The following STK32C variants were observed in gnomAD, a reference collection of about 807,000 sequenced individuals.
STK32C encodes serine/threonine kinase 32C.
In STK32C, 31 loss-of-function variants were observed where a neutral mutation model predicts 56.5. That is an observed-to-expected ratio of 0.55 (90% confidence interval 0.41 to 0.74). The LOEUF is 0.74. Among genes scored for constraint, STK32C ranks in the 30% least tolerant of loss-of-function variants. The probability of loss-of-function intolerance (pLI) is 0.00; values close to 1 mark genes in which losing one functional copy is unlikely to be tolerated. For missense variants in STK32C, 544 were observed against 676.9 expected, an observed-to-expected ratio of 0.80 and a Z score of 2.18; for synonymous variants, 309 against 289.4, an observed-to-expected ratio of 1.07 and a Z score of -0.69.
In STK32C at chr10:132,307,661, A is replaced by G. The variant is rs1180370208; in HGVS notation, c.173T>C (p.Leu58Pro). Reference protein sequence around the residue: ...SGDVRSQPRPLFQWSKWKKRM... With the variant: ...SGDVRSQPRPPFQWSKWKKRM... The stretch of plus-strand genomic sequence containing the variant: ...CTTCTTCCACTTGCTCCACTGAAAC[A>G]GGGGGCGCGGCTGCGAGCGGACATC... Residue 58 changes from leucine (L) to proline (P), a missense_variant, in exon 1 of 12, where the codon CTG (leucine) becomes CCG (proline). By Grantham distance (98) the Leu-to-Pro change is moderately conservative. Transcript: ENST00000298630. This position sits in a 1 kb window ranked among gnomAD's most constrained non-coding sequence, Gnocchi z 4.4. 1.3e-6 allele frequency: 2 copies of G among 1,529,882 alleles called. No homozygotes were observed. The highest frequency in any genetic ancestry group is 2.0e-5 in the Admixed American group (1 of 50,222). The allele number at this position is 1,529,882 out of a possible 1,614,324, so 94.8% of individuals were successfully genotyped here. A position where few individuals can be genotyped will look rare whatever the true frequency, so the allele number is the denominator to read the frequency against.
At chr10:132,332,086 C>T (rs954470791), upstream of STK32C, 113 of 257,848 alleles carry the variant, frequency 4.4e-4, no homozygotes, top group African/African-American at 2.5e-3. Flanking sequence ...CGCAGGCGCA[C>T]CACACCCCTC....
At chr10:132,264,729 C>T (rs926468486) in intron 1 of STK32C, among the ~76,000 whole-genome samples, 2 of 152,164 alleles carry the variant, frequency 1.3e-5, no homozygotes, top group African/African-American at 4.8e-5. Context: ...GGGCCTGTCA[C>T]CCCAAAGCCA....
chr10:132,246,531 T>G (rs973522407), intron 1 of STK32C, among the ~76,000 whole-genome samples: 1 of 152,172 alleles, frequency 6.6e-6, no homozygotes, highest in Non-Finnish European at 1.5e-5. Flanking sequence ...CACCATGACC[T>G]GTGTAGCCTG....
chr10:132,293,057 C>T (rs1272437501), intron 1 of STK32C, among the ~76,000 whole-genome samples: 6 of 152,238 alleles, frequency 3.9e-5, no homozygotes, highest in Non-Finnish European at 1.5e-5. Flanking sequence ...AGGTGAGCAG[C>T]GAACGGCAAA....
At position 132,331,642 on chromosome 10, in the gene STK32C, A is replaced by C. The variant is rs539749706; in HGVS notation, c.95T>G (p.Leu32Arg). 1.8e-5 allele frequency: 29 copies of C among 1,612,766 alleles called. No homozygotes were observed. The African/African-American group carries it at 2.0e-4, about 11-fold the overall frequency. The change falls in exon 1 of 2, where the codon CTT becomes CGT. Residue 32 changes from leucine (L) to arginine (R), a missense_variant. Transcript: ENST00000368619. ...GGACAGGCAGCGAGGACCGCTCCAA[A>C]GGTGGTGCCTCAGCAGCAATTCTTT...
chr10:132,306,266 G>A lies in STK32C; in HGVS notation c.262+1306C>T, dbSNP rs78907729. Among the ~76,000 whole-genome samples, 12 of 152,358 alleles carry A rather than the reference G, an allele frequency of 7.9e-5. No homozygotes were observed. The East Asian group carries it at 1.2e-3, about 15-fold the overall frequency. ...CGTTTCTCAGACGTTCTCTCAACCC[G>A]CAGCCAGAAACGAGAGGCAAATCTG... On this transcript the variant is annotated intron_variant, in intron 1 of 11. Transcript: ENST00000298630.
At chr10:132,320,518 G>A (rs1192760107), downstream of STK32C, among the ~76,000 whole-genome samples, 1 of 152,086 alleles carries the variant, frequency 6.6e-6, no homozygotes, top group African/African-American at 2.4e-5. Flanking sequence ...TTATGGAAGT[G>A]AGGTCCCACC....
At chr10:132,300,278 C>T (rs764038559) in intron 1 of STK32C, among the ~76,000 whole-genome samples, 8 of 152,238 alleles carry the variant, frequency 5.3e-5, no homozygotes, top group Admixed American at 1.3e-4. Context: ...CTCCCACCTA[C>T]ACCATCTCCT....
chr10:132,223,116 G>A, intron 8 of STK32C, 130 bp from the exon 9 acceptor site: 1 of 1,263,936 alleles, frequency 7.9e-7, no homozygotes, highest in Non-Finnish European at 1.1e-6. Context: ...AGGAACCTCA[G>A]GGCCACGCGA....
chr10:132,240,672 T>C (rs7901138), intron 2 of STK32C, among the ~76,000 whole-genome samples: 122,712 of 152,000 alleles, frequency 0.81, 49,803 homozygotes, highest in African/African-American at 0.88. Context: ...GCCTGGGAAA[T>C]GCGGACGCCG....
intron 1 of STK32C, among the ~76,000 whole-genome samples, chr10:132,265,750 AATG>A (rs2064498893): frequency 6.6e-6 from 1 of 152,198 alleles, no homozygotes; most frequent in Admixed American, 6.5e-5. Flanking sequence ...CCCGAAGGCC[AATG>A]AGCACAGGAG....
intron 1 of STK32C, among the ~76,000 whole-genome samples, chr10:132,259,299 G>T (rs145398651): frequency 6.6e-6 from 1 of 152,330 alleles, no homozygotes; most frequent in South Asian, 2.1e-4. Flanking sequence ...CATGTAAGAT[G>T]TAACTCCCTG....
At chr10:132,253,017 A>AG (rs1414844162) in intron 1 of STK32C, among the ~76,000 whole-genome samples, 5 of 152,172 alleles carry the variant, frequency 3.3e-5, no homozygotes, top group African/African-American at 1.2e-4. Context: ...TCCCTGAACC[A>AG]GGCCCCACAA....
chr10:132,324,245 C>T (rs139938632), exon 2 of STK32C: 5 of 779,802 alleles, frequency 6.4e-6, no homozygotes, highest in Non-Finnish European at 1.2e-5. Flanking sequence ...TACACACCCC[C>T]TCTTGATGGG....
intron 2 of STK32C, among the ~76,000 whole-genome samples, chr10:132,240,646 T>C (rs2063468483): frequency 6.6e-6 from 1 of 152,012 alleles, no homozygotes; most frequent in African/African-American, 2.4e-5. Context: ...CCTGTTTTCT[T>C]AGTTATTTCC....
intron 2 of STK32C, among the ~76,000 whole-genome samples, chr10:132,230,300 G>A (rs570195701): frequency 5.3e-4 from 81 of 152,344 alleles, no homozygotes; most frequent in African/African-American, 1.7e-3. Flanking sequence ...CCCTCCTGCC[G>A]CTTCCCACTG....
At chr10:132,242,271 A>G (rs1279026378) in intron 2 of STK32C, among the ~76,000 whole-genome samples, 1 of 151,972 alleles carries the variant, frequency 6.6e-6, no homozygotes, top group African/African-American at 2.4e-5. Flanking sequence ...AGCTGCTGGG[A>G]GGAGGGCGGC....
rs35734065 is a variant in STK32C at position 132,331,200 on chromosome 10, C to CAAAAAAAAAA, written c.301+226_301+235dup. 7.1e-5 allele frequency among the ~76,000 whole-genome samples: 4 copies of CAAAAAAAAAA among 56,330 alleles called. 1 individual carries two copies. Among genetic ancestry groups the CAAAAAAAAAA allele is most frequent in the Non-Finnish European group, 6.4e-5 (2 of 31,034 alleles). The allele number at this position is 56,330 out of a possible 152,430, so 37.0% of individuals were successfully genotyped here. ...TGGGAGACAAAGCAAGACTCCACCT[C>CAAAAAAAAAA]AAAAAAAAAAAAAAAAAAAAAAAAG... On this transcript the variant is annotated intron_variant, in intron 1 of 1. Transcript: ENST00000368619.
At chr10:132,254,439 C>T (rs893402096) in intron 1 of STK32C, among the ~76,000 whole-genome samples, 1 of 151,868 alleles carries the variant, frequency 6.6e-6, no homozygotes, top group African/African-American at 2.4e-5. Flanking sequence ...CCGCAGGGCG[C>T]CGGGAATCAG....
Sources: gnomAD v4.1 joint callset for allele counts (sites outside exome capture counted in the v4.1 genomes callset) on GRCh38, gnomAD v4.1.1 for gene constraint, Gnocchi (gnomAD v3.1) non-coding constraint, MANE v1.5 for transcripts, NCBI Gene and HGNC (gene_info 2026-07-23, HGNC 2026-07-21) for gene names.